LRP1B: variants seen among roughly 807,000 people sequenced by gnomAD.
LRP1B encodes low-density lipoprotein receptor-related protein 1B.
A neutral mutation model predicts 556.6 loss-of-function variants in LRP1B; 217 were observed. The observed-to-expected ratio is 0.39, with a 90% CI of 0.35 to 0.44. The LOEUF is 0.44. LRP1B is among the 20% of genes least tolerant of loss of function. LRP1B has a pLI of 1.00. For synonymous variants in LRP1B, 2,047 were observed against 1,865.8 expected, an observed-to-expected ratio of 1.10 and a Z score of -2.50; for missense variants, 5,053 against 5,620.8, an observed-to-expected ratio of 0.90 and a Z score of 3.23.
intron 41 of LRP1B, among the ~76,000 whole-genome samples, chr2:140,687,848 C>T (rs1041481922): frequency 6.6e-6 from 1 of 151,994 alleles, no homozygotes; most frequent in Non-Finnish European, 1.5e-5. Context: ...TCAAGGGGAA[C>T]CCTGAATTCA....
rs183565102 is a variant in LRP1B, at chr2:140,806,129, A to G, written c.5359+7528T>C. 8.3e-4 allele frequency among the ~76,000 whole-genome samples: 126 copies of G among 152,084 alleles called. 3 individuals are homozygous for G. Among genetic ancestry groups the G allele is most frequent in the Non-Finnish European group, 7.4e-4 (50 of 67,980 alleles). On this transcript the variant is annotated intron_variant, in intron 32 of 90. Coordinates refer to ENST00000389484, the MANE Select transcript of LRP1B (RefSeq NM_018557.3). ...AGATATAAAAAGTAAGCAATCTATA[A>G]TCTGGAAATGGGCCCTCACCAGAAC...
chr2:141,984,647 T>A lies in LRP1B; in HGVS notation c.82+146001A>T, dbSNP rs187034028. Among the ~76,000 whole-genome samples, 3 of 152,282 alleles carry A rather than the reference T, an allele frequency of 2.0e-5. No individual in the cohort carries two copies. In the East Asian group the frequency reaches 5.8e-4, roughly 29 times the overall value. The stretch of plus-strand genomic sequence containing the variant: ...GGGGTACCTTGCTATACTGATATTT[T>A]AAGTCTTTCATTAAGGTTTTCTTAG... On this transcript the variant is annotated intron_variant, in intron 1 of 90. Transcript: ENST00000389484.
At chr2:141,532,257 T>C (rs1684911218) in intron 2 of LRP1B, among the ~76,000 whole-genome samples, 2 of 151,862 alleles carry the variant, frequency 1.3e-5, no homozygotes, top group South Asian at 2.1e-4. Flanking sequence ...TAGGTATGAG[T>C]AGGATTCATT....
At chr2:140,263,783 A>G (rs778550361) in intron 86 of LRP1B, among the ~76,000 whole-genome samples, 3 of 144,162 alleles carry the variant, frequency 2.1e-5, no homozygotes, top group Non-Finnish European at 4.5e-5. Flanking sequence ...TTCTACCAAT[A>G]ATCTCTTCAA....
chr2:140,623,977 T>TATATATATATATA (rs1413110559), intron 41 of LRP1B, among the ~76,000 whole-genome samples: 10 of 142,450 alleles, frequency 7.0e-5, no homozygotes, highest in Admixed American at 1.4e-4. Flanking sequence ...TATATATAGC[T>TATATATATATATA]TAGTTGTTTT....
chr2:140,711,610 T>C (rs1315799333), intron 37 of LRP1B, among the ~76,000 whole-genome samples: 1 of 152,060 alleles, frequency 6.6e-6, no homozygotes, highest in Non-Finnish European at 1.5e-5. Flanking sequence ...TTCAATGTCA[T>C]ATAAAATTCC....
chr2:141,082,941 C>A (rs565807268), intron 7 of LRP1B, among the ~76,000 whole-genome samples: 1 of 152,312 alleles, frequency 6.6e-6, no homozygotes, highest in East Asian at 1.9e-4. Flanking sequence ...TTCTCCCCAA[C>A]CACCACCTTT....
At chr2:141,220,631 AAAAAAAG>A in intron 6 of LRP1B, among the ~76,000 whole-genome samples, 2 of 151,844 alleles carry the variant, frequency 1.3e-5, no homozygotes, top group East Asian at 3.9e-4. Context: ...GGAAAAAAAA[AAAAAAAG>A]AAAAAATGTT....
At chr2:141,768,837 G>C (rs982713325) in intron 2 of LRP1B, among the ~76,000 whole-genome samples, 6 of 151,850 alleles carry the variant, frequency 4.0e-5, no homozygotes, top group African/African-American at 1.4e-4. Context: ...AATACCTAGG[G>C]TTATAGTAGG....
At chr2:141,685,117 T>C (rs942980466) in intron 2 of LRP1B, among the ~76,000 whole-genome samples, 8 of 152,100 alleles carry the variant, frequency 5.3e-5, no homozygotes, top group Admixed American at 2.0e-4. Context: ...TTTTGTTTTC[T>C]TCCTCCTTTT....
chr2:141,187,232 G>A (rs1307664791), intron 7 of LRP1B, among the ~76,000 whole-genome samples: 1 of 152,046 alleles, frequency 6.6e-6, no homozygotes, highest in Non-Finnish European at 1.5e-5. Context: ...CTACATTCAA[G>A]AATTATATTA....
intron 3 of LRP1B, among the ~76,000 whole-genome samples, chr2:141,414,051 G>C (rs1291445279): frequency 6.6e-6 from 1 of 151,822 alleles, no homozygotes; most frequent in Non-Finnish European, 1.5e-5. Context: ...TCCTAGCTAA[G>C]ACGGTGAAAA....
intron 3 of LRP1B, among the ~76,000 whole-genome samples, chr2:141,461,035 G>GAA (rs113023717): frequency 1.9e-4 from 28 of 145,234 alleles, no homozygotes; most frequent in African/African-American, 5.5e-4. Flanking sequence ...AGCTAGACTG[G>GAA]AAAAAAAAAA....
chr2:141,096,651 A>G (rs1490395289), intron 7 of LRP1B, among the ~76,000 whole-genome samples: 39 of 115,420 alleles, frequency 3.4e-4, no homozygotes, highest in African/African-American at 1.2e-3. Flanking sequence ...AGAGAGAGAG[A>G]GAGAGAGAGA....
chr2:141,443,554 G>A (rs1359687788), intron 3 of LRP1B, among the ~76,000 whole-genome samples: 1 of 152,006 alleles, frequency 6.6e-6, no homozygotes, highest in Non-Finnish European at 1.5e-5. Flanking sequence ...GGGTTTTTAT[G>A]GTTTTAGGTC....
At chr2:141,631,556 A>G (rs1688910006) in intron 2 of LRP1B, among the ~76,000 whole-genome samples, 1 of 151,174 alleles carries the variant, frequency 6.6e-6, no homozygotes, top group Non-Finnish European at 1.5e-5. Context: ...AAAAAAAAAA[A>G]AAGGGGAAAT....
At chr2:140,796,149 T>C (rs1690305408) in intron 32 of LRP1B, among the ~76,000 whole-genome samples, 1 of 151,854 alleles carries the variant, frequency 6.6e-6, no homozygotes, top group Non-Finnish European at 1.5e-5. Context: ...GTGAACAATG[T>C]ATTTTTCCCT....
chr2:141,820,624 G>A (rs1328063511), intron 1 of LRP1B, among the ~76,000 whole-genome samples: 1 of 152,136 alleles, frequency 6.6e-6, no homozygotes, highest in African/African-American at 2.4e-5. Flanking sequence ...AATTTTTGTT[G>A]TCATGCTGAG....
intron 51 of LRP1B, among the ~76,000 whole-genome samples, chr2:140,513,741 T>G (rs1413398172): frequency 1.3e-5 from 2 of 152,034 alleles, no homozygotes; most frequent in Non-Finnish European, 2.9e-5. Flanking sequence ...CCACAACCCC[T>G]GAAATTTAAA....
Sources: gnomAD v4.1 joint callset for allele counts (sites outside exome capture counted in the v4.1 genomes callset) on GRCh38, gnomAD v4.1.1 for gene constraint, MANE v1.5 for transcripts, NCBI Gene and HGNC (gene_info 2026-07-23, HGNC 2026-07-21) for gene names.